The following PTPRJ variants were observed in gnomAD, a reference collection of about 807,000 sequenced individuals.
The protein encoded by PTPRJ is receptor-type tyrosine-protein phosphatase eta.
In PTPRJ, 129 loss-of-function variants were observed where a neutral mutation model predicts 141.3. The ratio of observed to expected loss-of-function variants is 0.91; its 90% CI spans 0.79 to 1.06. The LOEUF is 1.06. PTPRJ is among the 50% of genes least tolerant of loss of function. PTPRJ has a pLI of 0.00. For missense variants in PTPRJ, 1,601 were observed against 1,679.7 expected (o/e 0.95, Z 0.82); for synonymous variants, 610 against 640.5 (o/e 0.95, Z 0.72).
At chr11:48,149,424 G>A in intron 15 of PTPRJ, 23 bp from the exon 16 acceptor site, 1 of 1,469,734 alleles carries the variant, frequency 6.8e-7, no homozygotes, top group Non-Finnish European at 9.4e-7. Context: ...TTTGTCTAAT[G>A]GGTCTCTTTT....
chr11:48,133,700 G>A (rs955431527), intron 8 of PTPRJ, among the ~76,000 whole-genome samples: 5 of 152,132 alleles, frequency 3.3e-5, no homozygotes, highest in African/African-American at 1.2e-4. Flanking sequence ...GCCAAAGGTG[G>A]ACCCAAGATC....
chr11:48,084,444 A>G (rs1037219888), intron 1 of PTPRJ, among the ~76,000 whole-genome samples: 3 of 152,174 alleles, frequency 2.0e-5, no homozygotes, highest in Admixed American at 6.6e-5. Flanking sequence ...TCAGCCTCCC[A>G]AAGTGCTGGG....
chr11:48,000,384 G>T (rs900626919), intron 1 of PTPRJ, among the ~76,000 whole-genome samples: 1 of 151,752 alleles, frequency 6.6e-6, no homozygotes, highest in Non-Finnish European at 1.5e-5. Context: ...GGGCTCAAAC[G>T]ATCCTCCCGT....
intron 1 of PTPRJ, among the ~76,000 whole-genome samples, chr11:48,006,876 G>A (rs1854636599): frequency 6.6e-6 from 1 of 152,024 alleles, no homozygotes; most frequent in African/African-American, 2.4e-5. Flanking sequence ...CTCTTGTTCT[G>A]ACTCTATTTT....
Position 47,980,707 on chromosome 11 carries a change from C to G in PTPRJ, c.-206C>G, listed in dbSNP as rs982482862. The G allele has an allele frequency of 3.0e-6, 3 of 995,826 alleles. No homozygotes were observed. The African/African-American group carries it at 5.3e-5, about 17-fold the overall frequency. 61.7% of individuals were successfully genotyped at this position (995,826 alleles called of 1,614,324 possible). A position where few individuals can be genotyped will look rare whatever the true frequency, so the allele number is the denominator to read the frequency against. On this transcript the variant is annotated 5_prime_UTR_variant, in exon 1 of 25. Transcript: ENST00000418331. Reference sequence around the variant, plus strand: ...ACGCGGCCCCCCCGCGGCAGCCGCGCTAGGCTCCGGCGTGTGGCCGCGGCC... The same window carrying G: ...ACGCGGCCCCCCCGCGGCAGCCGCGGTAGGCTCCGGCGTGTGGCCGCGGCC...
chr11:48,151,476 T>TTG (rs1369361279), intron 18 of PTPRJ, among the ~76,000 whole-genome samples: 1 of 151,340 alleles, frequency 6.6e-6, no homozygotes, highest in African/African-American at 2.4e-5. Context: ...TTTTTATACT[T>TTG]TAAGTTCTAG....
At chr11:48,002,953 G>GA (rs5791797) in intron 1 of PTPRJ, among the ~76,000 whole-genome samples, 11 of 147,000 alleles carry the variant, frequency 7.5e-5, no homozygotes, top group South Asian at 2.2e-4. Context: ...CTAGAGAAAG[G>GA]AAAAAAAAAA....
intron 1 of PTPRJ, among the ~76,000 whole-genome samples, chr11:48,074,594 C>T (rs955218451): frequency 6.6e-6 from 1 of 152,162 alleles, no homozygotes. Flanking sequence ...TCTCCTGTAA[C>T]CCAGAGGGGG....
At chr11:48,014,414 C>G (rs1318667404) in intron 1 of PTPRJ, 1 of 152,172 alleles carries the variant, frequency 6.6e-6, no homozygotes, top group Non-Finnish European at 1.5e-5. Flanking sequence ...ATAGCTGTCT[C>G]TTTTTAGAAG....
At chr11:48,151,813 T>C (rs538954801) in intron 18 of PTPRJ, among the ~76,000 whole-genome samples, 111 of 152,334 alleles carry the variant, frequency 7.3e-4, no homozygotes, top group Non-Finnish European at 1.3e-3. Context: ...CCATGGTGAA[T>C]GTGTGCCACA....
intron 1 of PTPRJ, among the ~76,000 whole-genome samples, chr11:48,005,092 G>T (rs1376739616): frequency 6.6e-6 from 1 of 151,952 alleles, no homozygotes; most frequent in African/African-American, 2.4e-5. Flanking sequence ...CATGGTGGTG[G>T]GTGCCTCTAA....
chr11:48,132,910 C>G (rs990945508), intron 8 of PTPRJ, among the ~76,000 whole-genome samples: 33 of 152,218 alleles, frequency 2.2e-4, no homozygotes, highest in African/African-American at 8.0e-4. Context: ...ATCTGCATTT[C>G]AGACTGTTGA....
chr11:48,092,154 G>A (rs546396565), intron 1 of PTPRJ, among the ~76,000 whole-genome samples: 3 of 151,802 alleles, frequency 2.0e-5, no homozygotes, highest in Non-Finnish European at 4.4e-5. Flanking sequence ...AATTAGCCAG[G>A]GATGGTGGTG....
intron 1 of PTPRJ, among the ~76,000 whole-genome samples, chr11:48,013,945 A>C (rs1012179931): frequency 6.6e-6 from 1 of 152,154 alleles, no homozygotes; most frequent in African/African-American, 2.4e-5. Context: ...GAAGTTGGGC[A>C]GAGCAGGTGG....
At chr11:48,013,213 C>A (rs916023412) in intron 1 of PTPRJ, among the ~76,000 whole-genome samples, 1 of 151,776 alleles carries the variant, frequency 6.6e-6, no homozygotes, top group Non-Finnish European at 1.5e-5. Context: ...GGCTCATGTT[C>A]ACCCCCAGGC....
chr11:48,166,379 T>A (rs1262341075), intron 24 of PTPRJ, among the ~76,000 whole-genome samples: 1 of 151,440 alleles, frequency 6.6e-6, no homozygotes, highest in Admixed American at 6.6e-5. Context: ...AGTGGTGCCA[T>A]CTCAGCTCAC....
intron 3 of PTPRJ, among the ~76,000 whole-genome samples, chr11:48,114,804 T>C (rs1856525385): frequency 6.6e-6 from 1 of 151,952 alleles, no homozygotes; most frequent in Admixed American, 6.6e-5. Flanking sequence ...TTTAAGAAAA[T>C]ACAGATAAAG....
chr11:48,148,790 G>T (rs761028202), intron 15 of PTPRJ, among the ~76,000 whole-genome samples: 4 of 152,110 alleles, frequency 2.6e-5, no homozygotes, highest in Non-Finnish European at 4.4e-5. Context: ...ACAGTACCAT[G>T]ATCTAGTTAA....
At chr11:48,092,362 T>A (rs1855893753) in intron 1 of PTPRJ, among the ~76,000 whole-genome samples, 1 of 150,200 alleles carries the variant, frequency 6.7e-6, no homozygotes, top group Non-Finnish European at 1.5e-5. Context: ...TAGCTACTGC[T>A]GTGGGATAGC....
Sources: gnomAD v4.1 joint callset for allele counts (sites outside exome capture counted in the v4.1 genomes callset) on GRCh38, gnomAD v4.1.1 for gene constraint, MANE v1.5 for transcripts, NCBI Gene and HGNC (gene_info 2026-07-23, HGNC 2026-07-21) for gene names.